SORCS3: variants seen among roughly 807,000 people sequenced by gnomAD.
The protein encoded by SORCS3 is VPS10 domain-containing receptor SorCS3.
A neutral mutation model predicts 146.3 loss-of-function variants in SORCS3; 57 were observed. The ratio of observed to expected loss-of-function variants is 0.39; its 90% CI spans 0.31 to 0.49. The LOEUF (loss-of-function observed/expected upper bound fraction) is 0.49. SORCS3 is among the 20% of genes least tolerant of loss of function. The pLI, the probability that SORCS3 is intolerant of heterozygous loss-of-function variation, is 0.92. For missense variants in SORCS3, 1,341 were observed against 1,575.5 expected, an observed-to-expected ratio of 0.85 and a Z score of 2.52; for synonymous variants, 653 against 618.5, an observed-to-expected ratio of 1.06 and a Z score of -0.83.
chr10:104,879,569 C>A (rs2018610892), intron 2 of SORCS3, among the ~76,000 whole-genome samples: 1 of 152,144 alleles, frequency 6.6e-6, no homozygotes, highest in Admixed American at 6.5e-5. Flanking sequence ...GCTTGGACAT[C>A]TTCAGGGGCT....
At chr10:104,730,971 G>A (rs1469035968) in intron 1 of SORCS3, among the ~76,000 whole-genome samples, 2 of 152,198 alleles carry the variant, frequency 1.3e-5, no homozygotes, top group African/African-American at 4.8e-5. Context: ...TAGGCTTTCT[G>A]TTCTACCCTG....
intron 4 of SORCS3, among the ~76,000 whole-genome samples, chr10:105,022,523 G>A (rs1160545782): frequency 2.0e-5 from 3 of 151,668 alleles, no homozygotes; most frequent in Non-Finnish European, 2.9e-5. Context: ...GGCTGGTCTC[G>A]AACTCCTGAC....
chr10:104,797,035 C>A (rs2017564178), intron 1 of SORCS3, among the ~76,000 whole-genome samples: 1 of 152,172 alleles, frequency 6.6e-6, no homozygotes, highest in South Asian at 2.1e-4. Flanking sequence ...CTACTCTTTG[C>A]AGCCTAGCAC....
At chr10:104,880,900 G>T (rs2018623792) in intron 2 of SORCS3, among the ~76,000 whole-genome samples, 1 of 152,140 alleles carries the variant, frequency 6.6e-6, no homozygotes, top group African/African-American at 2.4e-5. Context: ...AAAACTGTGT[G>T]TTTGTCACTC....
chr10:104,811,764 T>A (rs139331752), intron 1 of SORCS3, among the ~76,000 whole-genome samples: 1 of 152,150 alleles, frequency 6.6e-6, no homozygotes, highest in Admixed American at 6.5e-5. Context: ...GGCAGCCAGA[T>A]AGCAGACAGC....
chr10:105,178,574 A>G (rs2056423182), intron 14 of SORCS3, among the ~76,000 whole-genome samples: 2 of 151,936 alleles, frequency 1.3e-5, no homozygotes, highest in Admixed American at 6.6e-5. Context: ...AAATATTGTA[A>G]GAGATGTCTC....
intron 3 of SORCS3, among the ~76,000 whole-genome samples, chr10:104,967,818 C>T (rs576416606): frequency 4.0e-5 from 6 of 151,800 alleles, no homozygotes; most frequent in Admixed American, 2.6e-4. Flanking sequence ...GCCACCACAC[C>T]AGACTAATTT....
intron 2 of SORCS3, among the ~76,000 whole-genome samples, chr10:104,853,337 A>T (rs1490174): frequency 0.84 from 127,958 of 152,292 alleles, 54,208 homozygotes; most frequent in East Asian, 0.97. Flanking sequence ...TGGGGAACAG[A>T]TTCCAGGTGC....
At chr10:105,179,930 T>C (rs2056432803) in intron 14 of SORCS3, among the ~76,000 whole-genome samples, 1 of 152,240 alleles carries the variant, frequency 6.6e-6, no homozygotes, top group African/African-American at 2.4e-5. Context: ...AAATACTGTG[T>C]ATCCTTCCCC....
At chr10:105,189,457 G>A (rs2056499592) in intron 14 of SORCS3, among the ~76,000 whole-genome samples, 1 of 152,200 alleles carries the variant, frequency 6.6e-6, no homozygotes. Flanking sequence ...ATGGCAGGCT[G>A]GAGTTTGGAA....
intron 14 of SORCS3, among the ~76,000 whole-genome samples, chr10:105,183,118 G>A (rs1336525358): frequency 6.6e-6 from 1 of 152,186 alleles, no homozygotes; most frequent in Non-Finnish European, 1.5e-5. Context: ...ATTCCTGGTG[G>A]GTGGAACAGT....
chr10:104,656,229 G>A (rs2015627944), intron 1 of SORCS3, among the ~76,000 whole-genome samples: 1 of 152,154 alleles, frequency 6.6e-6, no homozygotes, highest in South Asian at 2.1e-4. Context: ...GTGGCAGGGA[G>A]GAGCAAGGTA....
At chr10:104,661,191 G>A (rs1474209304) in intron 1 of SORCS3, among the ~76,000 whole-genome samples, 1 of 152,064 alleles carries the variant, frequency 6.6e-6, no homozygotes, top group East Asian at 1.9e-4. Flanking sequence ...CCCCTCTTCT[G>A]CCTTCTCCTG....
intron 20 of SORCS3, among the ~76,000 whole-genome samples, chr10:105,243,106 T>C (rs1281282453): frequency 6.9e-6 from 1 of 145,604 alleles, no homozygotes; most frequent in Non-Finnish European, 1.5e-5. Context: ...GTTGGGTGTT[T>C]AGAGATATCT....
intron 3 of SORCS3, among the ~76,000 whole-genome samples, chr10:104,923,883 G>A (rs182746771): frequency 9.2e-5 from 14 of 152,294 alleles, no homozygotes; most frequent in Non-Finnish European, 1.8e-4. Flanking sequence ...TAATGACAAT[G>A]ATAGTAAAAA....
rs560908701 is a variant in SORCS3, at chr10:105,081,620, A to G, written c.1029-8155A>G. 4.6e-5 allele frequency among the ~76,000 whole-genome samples: 7 copies of G among 152,326 alleles called. No homozygotes were observed. In the South Asian group the frequency reaches 1.5e-3, roughly 32 times the overall value. On this transcript the variant is annotated intron_variant, in intron 5 of 26. Coordinates refer to ENST00000369701, the MANE Select transcript of SORCS3 (RefSeq NM_014978.3). Reference sequence around the variant, plus strand: ...TGCACAAAGGGTTAAGTTGCTAAAAATAAGTTTGAAGCCACTTGACCTTTT... The same window carrying G: ...TGCACAAAGGGTTAAGTTGCTAAAAGTAAGTTTGAAGCCACTTGACCTTTT...
intron 3 of SORCS3, among the ~76,000 whole-genome samples, chr10:104,972,299 T>A (rs1226777096): frequency 6.6e-6 from 1 of 152,210 alleles, no homozygotes; most frequent in Non-Finnish European, 1.5e-5. Flanking sequence ...GATACAATAT[T>A]AACAGAGAAC....
At chr10:105,236,961 C>A (rs894628013) in intron 20 of SORCS3, among the ~76,000 whole-genome samples, 1 of 152,102 alleles carries the variant, frequency 6.6e-6, no homozygotes, top group Non-Finnish European at 1.5e-5. Flanking sequence ...TACTACCTAC[C>A]TCATATATAT....
At position 104,914,049 on chromosome 10, in the gene SORCS3, G is replaced by A. The variant is rs372138637; in HGVS notation, c.696-1784G>A. On this transcript the variant is annotated intron_variant, in intron 2 of 26. Transcript: ENST00000369701. ...CTCCCAAAGTGCTGGGATTACAGGC[G>A]TGCGTCACCACACCCGGAATCTTCA... 3.6e-3 allele frequency among the ~76,000 whole-genome samples: 551 copies of A among 152,170 alleles called. 2 individuals carry two copies. Among genetic ancestry groups the A allele is most frequent in the South Asian group, 0.019 (90 of 4,820 alleles).
Sources: gnomAD v4.1 joint callset for allele counts (sites outside exome capture counted in the v4.1 genomes callset) on GRCh38, gnomAD v4.1.1 for gene constraint, MANE v1.5 for transcripts, NCBI Gene and HGNC (gene_info 2026-07-23, HGNC 2026-07-21) for gene names.